PRIM2: variants seen among roughly 807,000 people sequenced by gnomAD.
PRIM2 encodes DNA primase large subunit.
Under a neutral mutation model 67.3 loss-of-function variants are expected in PRIM2, and 39 were observed. That is an observed-to-expected ratio of 0.58 (90% confidence interval 0.45 to 0.76). PRIM2 has a LOEUF of 0.76. Ranked by LOEUF, PRIM2 falls within the 30% of genes least tolerant of loss-of-function variation. The pLI is 0.00. For missense variants in PRIM2, 398 were observed against 598.7 expected (o/e 0.66, Z 3.50); for synonymous variants, 143 against 198.7 (o/e 0.72, Z 2.36).
At chr6:57,224,295 T>G in the PRIM2 span, among the ~76,000 whole-genome samples, 2 of 152,048 alleles carry the variant, frequency 1.3e-5, no homozygotes, top group African/African-American at 4.8e-5. Context: ...TTCTGACACA[T>G]GTTATAGCAT....
chr6:57,410,327 A>G (rs12191761), intron 7 of PRIM2, among the ~76,000 whole-genome samples: 2 of 83,968 alleles, frequency 2.4e-5, no homozygotes, highest in South Asian at 4.8e-4. Flanking sequence ...GTGAAACGCC[A>G]TCTCAAAAAA....
chr6:57,275,517 T>C, the PRIM2 span, among the ~76,000 whole-genome samples: 1 of 152,184 alleles, frequency 6.6e-6, no homozygotes, highest in Non-Finnish European at 1.5e-5. Flanking sequence ...AAGTAGATTA[T>C]GTTATTACTG....
chr6:57,312,926 A>G (rs1767414384), upstream of PRIM2, among the ~76,000 whole-genome samples: 1 of 152,178 alleles, frequency 6.6e-6, no homozygotes, highest in Non-Finnish European at 1.5e-5. Context: ...TTGTCCCAGC[A>G]CCATTTAGAA....
intron 10 of PRIM2, among the ~76,000 whole-genome samples, chr6:57,547,940 G>C (rs1775322406): frequency 6.6e-6 from 1 of 152,204 alleles, no homozygotes; most frequent in South Asian, 2.1e-4. Context: ...GAGACCAGTA[G>C]ATCTCAGCAT....
chr6:57,319,236 G>T (rs1767572663), intron 2 of PRIM2, among the ~76,000 whole-genome samples: 1 of 152,162 alleles, frequency 6.6e-6, no homozygotes, highest in Non-Finnish European at 1.5e-5. Context: ...ATGATATTGG[G>T]GTGTAAGAAG....
chr6:57,340,219 A>G (rs1409008395), intron 5 of PRIM2, among the ~76,000 whole-genome samples: 1 of 152,208 alleles, frequency 6.6e-6, no homozygotes, highest in African/African-American at 2.4e-5. Context: ...GGTGCTGGAG[A>G]GGATGTGGAG....
At chr6:57,397,858 C>T (rs571573318) in intron 7 of PRIM2, among the ~76,000 whole-genome samples, 1 of 147,492 alleles carries the variant, frequency 6.8e-6, no homozygotes, top group Admixed American at 6.7e-5. Context: ...CTAATTCTTT[C>T]AGTTGTGATA....
the PRIM2 span, among the ~76,000 whole-genome samples, chr6:57,298,697 T>G: frequency 6.6e-6 from 1 of 152,132 alleles, no homozygotes; most frequent in East Asian, 1.9e-4. Flanking sequence ...TAAAAATTAT[T>G]ATCTTACTAA....
chr6:57,374,052 C>T (rs1195050177), intron 5 of PRIM2, among the ~76,000 whole-genome samples: 2 of 152,190 alleles, frequency 1.3e-5, no homozygotes, highest in African/African-American at 4.8e-5. Flanking sequence ...TGGACATTTT[C>T]ATGATACTGA....
At chr6:57,459,556 A>G (rs1179381176) in intron 7 of PRIM2, among the ~76,000 whole-genome samples, 1 of 152,160 alleles carries the variant, frequency 6.6e-6, no homozygotes, top group Non-Finnish European at 1.5e-5. Context: ...ACACTACAAC[A>G]TACCTGGCTT....
chr6:57,646,351 T>C lies in PRIM2; in HGVS notation c.*193T>C. On this transcript the variant is annotated 3_prime_UTR_variant, in exon 14 of 14. Coordinates refer to ENST00000615550, the MANE Select transcript of PRIM2 (RefSeq NM_000947.5). ...TCCCAAGTAGTTAGGACCACAGGTG[T>C]GCACCTCATATCCAGATAATTTTTT... 3.4e-6 allele frequency: 2 copies of C among 583,770 alleles called. No homozygotes were observed. The highest frequency in any genetic ancestry group is 4.3e-5 in the South Asian group (2 of 46,998). The allele number at this position is 583,770 out of a possible 1,614,324, so 36.2% of individuals were successfully genotyped here.
chr6:57,433,061 T>C (rs939497203), intron 7 of PRIM2, among the ~76,000 whole-genome samples: 7 of 152,334 alleles, frequency 4.6e-5, no homozygotes, highest in African/African-American at 1.7e-4. Flanking sequence ...TAAAATTTTA[T>C]TGGAACACAG....
chr6:57,438,303 A>T (rs1331561545), intron 7 of PRIM2, among the ~76,000 whole-genome samples: 1 of 152,160 alleles, frequency 6.6e-6, no homozygotes, highest in Non-Finnish European at 1.5e-5. Flanking sequence ...TACTTCAAGG[A>T]ATTGTTACTG....
chr6:57,286,813 G>A, the PRIM2 span, among the ~76,000 whole-genome samples: 4 of 152,168 alleles, frequency 2.6e-5, no homozygotes, highest in Non-Finnish European at 4.4e-5. Context: ...TCATCAGAGT[G>A]AACAGGCAAC....
chr6:57,567,709 C>T (rs1775770763), intron 10 of PRIM2, among the ~76,000 whole-genome samples: 1 of 152,106 alleles, frequency 6.6e-6, no homozygotes, highest in Admixed American at 6.5e-5. Context: ...TCATTACCTA[C>T]TTGCTAGAGT....
chr6:57,306,581 A>C, the PRIM2 span, among the ~76,000 whole-genome samples: 2 of 152,178 alleles, frequency 1.3e-5, no homozygotes, highest in Non-Finnish European at 2.9e-5. Context: ...AGATCTATGC[A>C]CAGGAGTGTC....
chr6:57,466,211 A>G (rs1192965914), intron 7 of PRIM2, among the ~76,000 whole-genome samples: 43 of 152,210 alleles, frequency 2.8e-4, no homozygotes, highest in Non-Finnish European at 3.2e-4. Context: ...TTTCTTTATC[A>G]AGTCTATCAT....
chr6:57,436,616 C>A (rs2127382400), intron 7 of PRIM2, among the ~76,000 whole-genome samples: 1 of 152,186 alleles, frequency 6.6e-6, no homozygotes, highest in South Asian at 2.1e-4. Flanking sequence ...GTGCATTAGG[C>A]TGGAATGTTG....
chr6:57,526,025 T>C (rs1410881068), intron 8 of PRIM2, among the ~76,000 whole-genome samples: 1 of 152,182 alleles, frequency 6.6e-6, no homozygotes, highest in African/African-American at 2.4e-5. Context: ...AAAAGTGTCT[T>C]ATAGAGAGAG....
Sources: allele counts gnomAD v4.1 joint callset (sites outside exome capture counted in the v4.1 genomes callset), GRCh38; gene constraint gnomAD v4.1.1; transcripts MANE v1.5; gene names NCBI Gene and HGNC (gene_info 2026-07-23, HGNC 2026-07-21).